Variants in AUTS2 observed in about 807,000 individuals in gnomAD.
AUTS2 encodes the protein activator of transcription and developmental regulator AUTS2.
In AUTS2, 17 loss-of-function variants were observed where a neutral mutation model predicts 112.4. The observed-to-expected ratio is 0.15, with a 90% CI of 0.10 to 0.23. The LOEUF is 0.23. AUTS2 is among the 10% of genes least tolerant of loss of function. AUTS2 has a pLI of 1.00. For missense variants in AUTS2, 1,510 were observed against 1,701.6 expected (o/e 0.89, Z 1.98); for synonymous variants, 751 against 702.7 (o/e 1.07, Z -1.09).
intron 5 of AUTS2, among the ~76,000 whole-genome samples, chr7:70,556,038 C>A (rs1417660107): frequency 6.6e-6 from 1 of 152,140 alleles, no homozygotes; most frequent in Non-Finnish European, 1.5e-5. Flanking sequence ...GATCTCCTGA[C>A]CTTGTAATCC....
intron 4 of AUTS2, among the ~76,000 whole-genome samples, chr7:70,137,012 T>C (rs566767983): frequency 6.6e-6 from 1 of 152,370 alleles, no homozygotes; most frequent in Admixed American, 6.5e-5. Context: ...CAGTATATTT[T>C]ACTTTCAGTT....
At position 70,511,938 on chromosome 7, in the gene AUTS2, A is replaced by G. The variant is rs187247160; in HGVS notation, c.690+76157A>G. Among the ~76,000 whole-genome samples, 5 of 152,270 alleles carry G rather than the reference A, an allele frequency of 3.3e-5. No homozygotes were observed. The East Asian group carries it at 5.8e-4, about 18-fold the overall frequency. ...TCTTCAAAGTGTCCTGGTTTGATTG[A>G]TAAATTAAAGGTCAGCCTACCTGAA... On this transcript the variant is annotated intron_variant, in intron 5 of 18. Coordinates refer to ENST00000342771, the MANE Select transcript of AUTS2 (RefSeq NM_015570.4).
At chr7:69,727,847 C>T (rs909777879) in intron 1 of AUTS2, among the ~76,000 whole-genome samples, 2 of 151,972 alleles carry the variant, frequency 1.3e-5, no homozygotes, top group Non-Finnish European at 2.9e-5. Flanking sequence ...TCAAATTGTC[C>T]AGTTCTTAAA....
intron 5 of AUTS2, among the ~76,000 whole-genome samples, chr7:70,442,115 A>G (rs1796145216): frequency 6.6e-6 from 1 of 152,220 alleles, no homozygotes; most frequent in Admixed American, 6.5e-5. Context: ...ATTTCATAGC[A>G]GCAAAGCAGA....
chr7:70,732,059 GTC>G (rs1181662692), intron 6 of AUTS2, among the ~76,000 whole-genome samples: 2 of 152,086 alleles, frequency 1.3e-5, no homozygotes, highest in African/African-American at 4.8e-5. Flanking sequence ...ATAGGATCTT[GTC>G]TAGTGTCGGG....
At chr7:70,141,529 A>C (rs1806861458) in intron 4 of AUTS2, among the ~76,000 whole-genome samples, 1 of 152,214 alleles carries the variant, frequency 6.6e-6, no homozygotes, top group African/African-American at 2.4e-5. Context: ...TGGGCAAACG[A>C]AAGTTGTTGC....
rs373669584 is a variant in AUTS2, at chr7:70,371,772, T to C, written c.661-63980T>C. On this transcript the variant is annotated intron_variant, in intron 4 of 18. Transcript: ENST00000342771. ...GAGTCACTGATAGATATCCTAGTGGTTGGCTCATAGATACAAGCATTTTTT... is the reference window on the plus strand; with the variant it reads ...GAGTCACTGATAGATATCCTAGTGGCTGGCTCATAGATACAAGCATTTTTT... Among the ~76,000 whole-genome samples the C allele has an allele frequency of 5.9e-5, 9 of 152,308 alleles. No homozygotes were observed. The East Asian group carries it at 1.5e-3, about 26-fold the overall frequency.
At chr7:69,723,979 G>A (rs1312839937) in intron 1 of AUTS2, among the ~76,000 whole-genome samples, 1 of 152,138 alleles carries the variant, frequency 6.6e-6, no homozygotes, top group Admixed American at 6.5e-5. Context: ...TGATAGATGA[G>A]TGGGACCCAG....
At chr7:70,090,923 C>T (rs1459511482) in intron 2 of AUTS2, among the ~76,000 whole-genome samples, 2 of 152,130 alleles carry the variant, frequency 1.3e-5, no homozygotes, top group Non-Finnish European at 2.9e-5. Context: ...AAGTAATCTG[C>T]CCACCTCTGC....
intron 5 of AUTS2, among the ~76,000 whole-genome samples, chr7:70,498,987 A>C (rs1798668581): frequency 6.6e-6 from 1 of 152,192 alleles, no homozygotes; most frequent in Admixed American, 6.5e-5. Context: ...AGAGGAGGGC[A>C]AGGAGAATGG....
intron 14 of AUTS2, 129 bp downstream of exon 14, chr7:70,777,303 C>A (rs770622389): frequency 1.1e-5 from 9 of 846,156 alleles, no homozygotes; most frequent in Admixed American, 4.7e-5. Flanking sequence ...AGGATCAAGC[C>A]TCTCTTGGAA....
chr7:69,865,695 T>C (rs1793193795), intron 1 of AUTS2, among the ~76,000 whole-genome samples: 2 of 152,190 alleles, frequency 1.3e-5, no homozygotes, highest in Admixed American at 1.3e-4. Flanking sequence ...TTTTAACCCC[T>C]GTGTGTACTG....
intron 4 of AUTS2, among the ~76,000 whole-genome samples, chr7:70,297,048 C>G (rs1788974464): frequency 6.8e-6 from 1 of 146,792 alleles, no homozygotes; most frequent in Non-Finnish European, 1.5e-5. Flanking sequence ...CAAGGTCTCA[C>G]TATGTTGCCC....
At chr7:70,065,409 T>A (rs1231885827) in intron 2 of AUTS2, among the ~76,000 whole-genome samples, 5 of 152,158 alleles carry the variant, frequency 3.3e-5, no homozygotes, top group Non-Finnish European at 5.9e-5. Flanking sequence ...AAATTATTAT[T>A]ATTGCCAGGC....
intron 5 of AUTS2, among the ~76,000 whole-genome samples, chr7:70,488,174 C>T (rs546732534): frequency 6.6e-6 from 1 of 152,226 alleles, no homozygotes; most frequent in Non-Finnish European, 1.5e-5. Flanking sequence ...AACATCTGTC[C>T]TTGGAGGGCT....
chr7:70,728,958 C>T (rs1299517010), intron 6 of AUTS2, among the ~76,000 whole-genome samples: 1 of 152,090 alleles, frequency 6.6e-6, no homozygotes, highest in Non-Finnish European at 1.5e-5. Context: ...CTCCCAGTTA[C>T]TCAGTGAACA....
At chr7:69,760,976 A>T (rs573561182) in intron 1 of AUTS2, among the ~76,000 whole-genome samples, 3 of 152,300 alleles carry the variant, frequency 2.0e-5, no homozygotes, top group East Asian at 1.9e-4. Flanking sequence ...ACCAGAGGAG[A>T]TGGTTGCAAA....
At chr7:69,629,890 A>G (rs1480189692) in intron 1 of AUTS2, among the ~76,000 whole-genome samples, 1 of 152,120 alleles carries the variant, frequency 6.6e-6, no homozygotes, top group Admixed American at 6.5e-5. Context: ...CAGGATTTTT[A>G]AAATTTCAGT....
chr7:70,745,750 A>G (rs1372903181), intron 6 of AUTS2, among the ~76,000 whole-genome samples: 2 of 152,228 alleles, frequency 1.3e-5, no homozygotes, highest in Non-Finnish European at 2.9e-5. Context: ...GATTTAAAAT[A>G]GAACATTAGT....
Sources: gnomAD v4.1 joint callset for allele counts (sites outside exome capture counted in the v4.1 genomes callset) on GRCh38, gnomAD v4.1.1 for gene constraint, MANE v1.5 for transcripts, NCBI Gene and HGNC (gene_info 2026-07-23, HGNC 2026-07-21) for gene names.